ACR: variants seen among roughly 807,000 people sequenced by gnomAD.
ACR encodes the protein acrosin light and heavy chain prepropeptide.
Under a neutral mutation model 26.0 loss-of-function variants are expected in ACR, and 17 were observed. The observed-to-expected ratio is 0.65, with a 90% CI of 0.45 to 0.98. The LOEUF (loss-of-function observed/expected upper bound fraction) is 0.98, where lower values mean the gene tolerates loss of function less well. ACR is among the 50% of genes least tolerant of loss of function. The probability of loss-of-function intolerance (pLI) is 0.00; values close to 1 mark genes in which losing one functional copy is unlikely to be tolerated. For missense variants in ACR, 435 were observed against 519.3 expected, an observed-to-expected ratio of 0.84 and a Z score of 1.58; for synonymous variants, 199 against 207.7, an observed-to-expected ratio of 0.96 and a Z score of 0.36.
At chr22:50,742,669 A>G (rs1474981664) in intron 3 of ACR, among the ~76,000 whole-genome samples, 1 of 152,094 alleles carries the variant, frequency 6.6e-6, no homozygotes, top group African/African-American at 2.4e-5. Flanking sequence ...CTTGGATGGT[A>G]AGAAAAGGTG....
At chr22:50,740,064 A>T in intron 3 of ACR, 87 bp downstream of exon 3, 1 of 1,558,148 alleles carries the variant, frequency 6.4e-7, no homozygotes, top group Non-Finnish European at 8.8e-7. Context: ...GTTGACACCC[A>T]GCCAGGCTGC....
chr22:50,743,196 T>C (rs56807126), intron 3 of ACR, among the ~76,000 whole-genome samples: 85,516 of 143,950 alleles, frequency 0.59, 25,598 homozygotes, highest in Non-Finnish European at 0.64. Flanking sequence ...CCACCATGCC[T>C]GGCTAATTTT....
Position 50,738,265 on chromosome 22 carries a change from G to A in ACR, c.30G>A (p.Leu10=), listed in dbSNP as rs911955303. 131 of 1,613,922 alleles carry A rather than the reference G, an allele frequency of 8.1e-5. No homozygotes were observed. Among genetic ancestry groups the A allele is most frequent in the Non-Finnish European group, 1.1e-4 (125 of 1,179,938 alleles). ...TTGAGATGCTACCAACTGCCATTCT[G>A]CTGGTCTTGGCAGTGTCCGTGGTTG... MVEMLPTAI[L]LVLAVSVVAK... is the part of the protein sequence containing the mutation. The change falls in exon 1 of 5, where the codon CTG becomes CTA. Residue 10 remains leucine, a synonymous_variant. Coordinates refer to ENST00000216139, the MANE Select transcript of ACR (RefSeq NM_001097.3).
At chr22:50,743,153 A>C (rs1298583604) in intron 3 of ACR, among the ~76,000 whole-genome samples, 1 of 150,332 alleles carries the variant, frequency 6.7e-6, no homozygotes, top group Non-Finnish European at 1.5e-5. Context: ...CTCCTGCCTC[A>C]GCCTCCCGAG....
In ACR at chr22:50,744,465, C is replaced by T. The variant is rs958066316; in HGVS notation, c.712-188C>T. On this transcript the variant is annotated intron_variant, in intron 4 of 4. Transcript: ENST00000216139. ...CATCTCACTGCAAGGAAAGCCCTGA[C>T]AATTCACACCCTCCTCACATCCCAA... 3 of 912,258 alleles carry T rather than the reference C, an allele frequency of 3.3e-6. No individual in the cohort carries two copies. In the African/African-American group the frequency reaches 5.1e-5, roughly 15 times the overall value. 56.5% of individuals were successfully genotyped at this position (912,258 alleles called of 1,614,324 possible).
At chr22:50,738,849 C>G (rs2083410723) in intron 1 of ACR, among the ~76,000 whole-genome samples, 1 of 152,072 alleles carries the variant, frequency 6.6e-6, no homozygotes, top group Non-Finnish European at 1.5e-5. Context: ...TATCCCTCCT[C>G]CCATCACTGT....
chr22:50,740,040 T>A (rs752749366), intron 3 of ACR, 63 bp downstream of exon 3: 13 of 1,602,694 alleles, frequency 8.1e-6, no homozygotes, highest in Non-Finnish European at 1.1e-5. Context: ...GTCTTTGAGG[T>A]GCAGCGGTCA....
intron 3 of ACR, 101 bp downstream of exon 3, chr22:50,740,078 C>T (rs1334236964): frequency 1.4e-6 from 2 of 1,469,938 alleles, no homozygotes; most frequent in Non-Finnish European, 9.4e-7. Flanking sequence ...AGGCTGCTTT[C>T]ATCCTCCTCA....
intron 1 of ACR, 33 bp downstream of exon 1, chr22:50,738,345 T>A: frequency 6.2e-7 from 1 of 1,605,840 alleles, no homozygotes; most frequent in South Asian, 1.1e-5. Context: ...GGGGGAAGGA[T>A]CTTCTGAGGA....
At chr22:50,740,070 GCTGCTTTCATCCTC>G in intron 3 of ACR, 93 bp downstream of exon 3, 1 of 1,535,158 alleles carries the variant, frequency 6.5e-7, no homozygotes, top group African/African-American at 1.4e-5. Context: ...ACCCAGCCAG[GCTGCTTTCATCCTC>G]CTCACGGCGC....
At position 50,745,298 on chromosome 22, in the gene ACR, TAC is replaced by T. The variant is rs1335192267; in HGVS notation, c.*101_*102del. The T allele has an allele frequency of 3.6e-5, 41 of 1,136,122 alleles. No homozygotes were observed. Among genetic ancestry groups the T allele is most frequent in the Admixed American group, 5.4e-5 (2 of 37,128 alleles). 70.4% of individuals were successfully genotyped at this position (1,136,122 alleles called of 1,614,324 possible). The stretch of plus-strand genomic sequence containing the variant: ...ATAAATAAACATATATATATAGATA[TAC>T]ACACACACATATCTGTATGTATACA... On this transcript the variant is annotated 3_prime_UTR_variant, in exon 5 of 5. Transcript: ENST00000216139.
At chr22:50,740,205 C>T (rs2083419504) in intron 3 of ACR, 1 of 661,116 alleles carries the variant, frequency 1.5e-6, no homozygotes, top group Non-Finnish European at 2.7e-6. Context: ...AGGCAGAGCG[C>T]AGCGTTGCTT....
At chr22:50,738,473 G>A (rs987609014) in intron 1 of ACR, among the ~76,000 whole-genome samples, 161 bp downstream of exon 1, 14 of 135,432 alleles carry the variant, frequency 1.0e-4, no homozygotes, top group African/African-American at 2.9e-4. Context: ...CTCAGCTTTC[G>A]TGGTTTCCTC....
chr22:50,742,976 C>T (rs938626785), intron 3 of ACR, among the ~76,000 whole-genome samples: 2 of 152,080 alleles, frequency 1.3e-5, no homozygotes, highest in East Asian at 1.9e-4. Context: ...GCAACGCTGG[C>T]GCATGCGCCG....
intron 3 of ACR, among the ~76,000 whole-genome samples, chr22:50,743,223 G>A (rs1351190520): frequency 6.6e-6 from 1 of 151,826 alleles, no homozygotes; most frequent in African/African-American, 2.4e-5. Flanking sequence ...TTTTAGTAGA[G>A]ACGGGGTTTC....
chr22:50,742,543 C>CA (rs71318831), intron 3 of ACR, among the ~76,000 whole-genome samples: 2,226 of 132,678 alleles, frequency 0.017, 19 homozygotes, highest in Middle Eastern at 0.045. Flanking sequence ...GACTCCGTCT[C>CA]AAAAAAAAAA....
In ACR at chr22:50,739,991, C is replaced by T. The variant is rs182889325; in HGVS notation, c.565+14C>T. The T allele has an allele frequency of 5.8e-4, 943 of 1,612,876 alleles. 5 individuals carry two copies. The highest frequency in any genetic ancestry group is 1.1e-4 in the Non-Finnish European group (130 of 1,179,996). On this transcript the variant is annotated intron_variant, in intron 3 of 4. Transcript: ENST00000216139. The surrounding 1 kb of genome is among the most constrained non-coding windows in gnomAD (Gnocchi z 5.5). ...TAGAAGAGAAAGGTGAGTATGGGAG[C>T]GCCTCCAAGGGGGGACGCTGCTGGC...
In ACR at chr22:50,739,267, C is replaced by G; in HGVS notation, c.78-4C>G. ...GTTTGAACTGTGCTCTGGTCTCTCC[C>G]CAGTGGCCCCTGTGGGTTACGGTTC... is the stretch of plus-strand genomic sequence containing the variant. On this transcript the variant is annotated splice_polypyrimidine_tract_variant and splice_region_variant and intron_variant, in intron 1 of 4. Transcript: ENST00000216139. This position sits in a 1 kb window ranked among gnomAD's most constrained non-coding sequence, Gnocchi z 5.5. The G allele has an allele frequency of 6.4e-7, 1 of 1,563,458 alleles. No individual in the cohort carries two copies. The highest frequency in any genetic ancestry group is 8.7e-7 in the Non-Finnish European group (1 of 1,153,612).
chr22:50,739,978 G>C lies in ACR; in HGVS notation c.565+1G>C, dbSNP rs1290441209. On this transcript the variant is annotated splice_donor_variant, in intron 3 of 4. Transcript: ENST00000216139. LOFTEE classifies it high-confidence loss of function. This position sits in a 1 kb window ranked among gnomAD's most constrained non-coding sequence, Gnocchi z 5.5. ...GGCTGGGGATATATAGAAGAGAAAG[G>C]TGAGTATGGGAGCGCCTCCAAGGGG... 1 of 1,613,346 alleles carries C rather than the reference G, an allele frequency of 6.2e-7. No homozygotes were observed. Among genetic ancestry groups the C allele is most frequent in the Admixed American group, 1.7e-5 (1 of 60,026 alleles).
Sources: allele counts gnomAD v4.1 joint callset (sites outside exome capture counted in the v4.1 genomes callset), GRCh38; gene constraint gnomAD v4.1.1; non-coding constraint Gnocchi (gnomAD v3.1); transcripts MANE v1.5; gene names NCBI Gene and HGNC (gene_info 2026-07-23, HGNC 2026-07-21).